Variants in MAP4K2 observed in about 807,000 individuals in gnomAD.
MAP4K2 encodes the protein B lymphocyte serine/threonine protein kinase.
A neutral mutation model predicts 125.3 loss-of-function variants in MAP4K2; 85 were observed. The observed-to-expected ratio is 0.68, with a 90% CI of 0.57 to 0.81. The LOEUF is 0.81. Ranked by LOEUF, MAP4K2 falls within the 40% of genes least tolerant of loss-of-function variation. MAP4K2 has a pLI of 0.00. For synonymous variants in MAP4K2, 479 were observed against 445.1 expected (o/e 1.08, Z -0.96); for missense variants, 923 against 1,056.4 (o/e 0.87, Z 1.75).
intron 6 of MAP4K2, 25 bp downstream of exon 6, chr11:64,801,685 G>T: frequency 6.2e-7 from 1 of 1,613,908 alleles, no homozygotes; most frequent in Non-Finnish European, 8.5e-7. Flanking sequence ...TCCCTCCCCA[G>T]GAGTGCCCCC....
chr11:64,786,544 G>A lies in MAP4K2; in HGVS notation c.*2993C>T, dbSNP rs1940202657. ...CTTTCACCAGGATGACTCCGGGTAT[G>A]GGCCAGTTACCTGAACATCCTGGGG... On this transcript the variant is annotated 3_prime_UTR_variant, in exon 32 of 32. Coordinates refer to ENST00000294066, the MANE Select transcript of MAP4K2 (RefSeq NM_004579.5). The A allele has an allele frequency of 6.6e-6, 1 of 152,188 alleles. No homozygotes were observed. Among genetic ancestry groups the A allele is most frequent in the Non-Finnish European group, 1.5e-5 (1 of 68,042 alleles). 9.4% of individuals were successfully genotyped at this position (152,188 alleles called of 1,614,324 possible).
In MAP4K2 at chr11:64,801,163, C is replaced by T. The variant is rs1237291851; in HGVS notation, c.478G>A (p.Glu160Lys). 6.2e-7 allele frequency: 1 copy of T among 1,613,178 alleles called. No homozygotes were observed. Among genetic ancestry groups the T allele is most frequent in the Non-Finnish European group, 8.5e-7 (1 of 1,179,922 alleles). Reference sequence around the variant, plus strand: ...CTCTTGGCCACAGACGCTGTCAGCTCGCCTGACACCCCAAAGTCAGCTGTG... The same window carrying T: ...CTCTTGGCCACAGACGCTGTCAGCTTGCCTGACACCCCAAAGTCAGCTGTG... ...VKLADFGVSG[E>K]LTASVAKRRS... Residue 160 changes from glutamate to lysine, a missense_variant, in exon 8 of 32, where the codon GAG becomes AAG. Transcript: ENST00000294066.
intron 15 of MAP4K2, 124 bp downstream of exon 15, chr11:64,798,670 G>A: frequency 2.1e-6 from 2 of 975,556 alleles, no homozygotes; most frequent in Non-Finnish European, 1.6e-6. Context: ...CCTGACCTCA[G>A]GTGATCCACC....
intron 17 of MAP4K2, 52 bp from the exon 18 acceptor site, chr11:64,797,432 C>T (rs1261864604): frequency 6.4e-7 from 1 of 1,557,476 alleles, no homozygotes; most frequent in Admixed American, 1.9e-5. Flanking sequence ...GCCCTGTAAC[C>T]ACATCCCACT....
At chr11:64,795,123 G>A (rs1940717242) in intron 24 of MAP4K2, among the ~76,000 whole-genome samples, 2 of 141,822 alleles carry the variant, frequency 1.4e-5, no homozygotes, top group African/African-American at 5.3e-5. Context: ...TCACTCTGTC[G>A]CCCTGGCTGG....
At chr11:64,796,031 T>C (rs1322149141) in intron 24 of MAP4K2, among the ~76,000 whole-genome samples, 2 of 152,158 alleles carry the variant, frequency 1.3e-5, no homozygotes, top group East Asian at 3.9e-4. Context: ...AAGCCCCACA[T>C]CCGAACAACC....
rs1940193201 is a variant in MAP4K2 at position 64,786,122 on chromosome 11, G to C, written c.*3415C>G. On this transcript the variant is annotated 3_prime_UTR_variant, in exon 32 of 32. Coordinates refer to ENST00000294066, the MANE Select transcript of MAP4K2 (RefSeq NM_004579.5). ...TTCCTTCCCATGATTTTTTAATAGGGTTGTATCTTGGGCATGTATTGCTAA... is the reference window on the plus strand; with the variant it reads ...TTCCTTCCCATGATTTTTTAATAGGCTTGTATCTTGGGCATGTATTGCTAA... 1 of 152,016 alleles carries C rather than the reference G, an allele frequency of 6.6e-6. No homozygotes were observed. The highest frequency in any genetic ancestry group is 2.4e-5 in the African/African-American group (1 of 41,382). 9.4% of individuals were successfully genotyped at this position (152,016 alleles called of 1,614,324 possible).
chr11:64,801,198 A>G lies in MAP4K2; in HGVS notation c.458-15T>C, dbSNP rs1428539132. 6.2e-7 allele frequency: 1 copy of G among 1,610,526 alleles called. No individual in the cohort carries two copies. The highest frequency in any genetic ancestry group is 1.1e-5 in the South Asian group (1 of 90,932). On this transcript the variant is annotated splice_polypyrimidine_tract_variant and intron_variant, in intron 7 of 31. Coordinates refer to ENST00000294066, the MANE Select transcript of MAP4K2 (RefSeq NM_004579.5). ...CCCAAAGTCAGCTGTGGGGAGAAACAGCCACTCTCACCAGCCCTCTGGCTG... is the reference window on the plus strand; with the variant it reads ...CCCAAAGTCAGCTGTGGGGAGAAACGGCCACTCTCACCAGCCCTCTGGCTG...
intron 24 of MAP4K2, 108 bp downstream of exon 24, chr11:64,796,165 A>C: frequency 9.8e-7 from 1 of 1,015,560 alleles, no homozygotes. Flanking sequence ...GGGCGCTCAG[A>C]GAGACAACAC....
rs772201205 is a variant in MAP4K2, at chr11:64,803,065, C to G, written c.85G>C (p.Asp29His). ...CCGTCCCGTCGCACCTTGTAGACGT[C>G]GCCATAGGTCCCGGCCCCCACGCGC... ...LQRVGAGTYGDVYKARDTVTS... is the reference protein window; with the variant it reads ...LQRVGAGTYGHVYKARDTVTS... The change falls in exon 1 of 32, where the codon GAC becomes CAC. Residue 29 changes from aspartate to histidine, a missense_variant. This residue lies in a region of MAP4K2 where 833 missense variants were observed against 911.4 expected (regional missense o/e 0.91). Transcript: ENST00000294066. 1.2e-5 allele frequency: 19 copies of G among 1,604,022 alleles called. No individual in the cohort carries two copies. Among genetic ancestry groups the G allele is most frequent in the Non-Finnish European group, 1.5e-5 (18 of 1,178,240 alleles).
chr11:64,796,366 T>C lies in MAP4K2; in HGVS notation c.1658A>G (p.His553Arg). ...LSGKSTHIWA[H>R]DLPGLFEQRR... Reference sequence around the variant, plus strand: ...CTGCTCAAACAGGCCTGGGAGGTCATGGGCCCAGATGTGCGTGGATTTCCC... The same window carrying C: ...CTGCTCAAACAGGCCTGGGAGGTCACGGGCCCAGATGTGCGTGGATTTCCC... Residue 553 changes from histidine to arginine, a missense_variant, in exon 24 of 32, where the codon CAT (histidine) becomes CGT (arginine). Coordinates refer to ENST00000294066, the MANE Select transcript of MAP4K2 (RefSeq NM_004579.5). 1 of 1,594,436 alleles carries C rather than the reference T, an allele frequency of 6.3e-7. No homozygotes were observed. The highest frequency in any genetic ancestry group is 8.6e-7 in the Non-Finnish European group (1 of 1,169,074).
chr11:64,791,059 C>A (rs559295138), intron 27 of MAP4K2, among the ~76,000 whole-genome samples: 80 of 152,310 alleles, frequency 5.3e-4, no homozygotes, highest in African/African-American at 1.8e-3. Context: ...TAGCTTGAAC[C>A]CACGAGGCAG....
chr11:64,798,574 A>G (rs1940969172), intron 15 of MAP4K2, among the ~76,000 whole-genome samples: 1 of 152,134 alleles, frequency 6.6e-6, no homozygotes, highest in African/African-American at 2.4e-5. Flanking sequence ...TGCTGGGATT[A>G]CAGGCATGAG....
In MAP4K2 at chr11:64,797,284, T is replaced by G; in HGVS notation, c.1267A>C (p.Ser423Arg). The change falls in exon 18 of 32, where the codon AGT (serine) becomes CGT (arginine). Residue 423 changes from serine (S) to arginine (R), a missense_variant. Ser to Arg is a moderately radical substitution (Grantham distance 110). Coordinates refer to ENST00000294066, the MANE Select transcript of MAP4K2 (RefSeq NM_004579.5). ...TDPPAEEPLS[S>R]PPGTLPPPPS... ...CAAGCCTGAGACTCACCTGGGGGAC[T>G]GGACAGAGGCTCCTCTGCTGGAGGG... The G allele has an allele frequency of 1.2e-6, 2 of 1,601,188 alleles. 1 individual carries two copies. The highest frequency in any genetic ancestry group is 3.3e-4 in the Middle Eastern group (2 of 6,042).
At chr11:64,792,331 G>GCCCCGCCCCA in intron 25 of MAP4K2, 33 bp downstream of exon 25, 1 of 1,535,444 alleles carries the variant, frequency 6.5e-7, no homozygotes, top group Non-Finnish European at 8.9e-7. Context: ...CCCCCACCAG[G>GCCCCGCCCCA]CCCCGCCCCA....
chr11:64,797,955 T>C (rs1255266048), intron 15 of MAP4K2, among the ~76,000 whole-genome samples: 3 of 151,094 alleles, frequency 2.0e-5, no homozygotes, highest in Non-Finnish European at 4.4e-5. Context: ...TCCGCCCACC[T>C]CGGCCTCCCA....
intron 4 of MAP4K2, 66 bp from the exon 5 acceptor site, chr11:64,802,187 T>C: frequency 3.4e-6 from 5 of 1,453,500 alleles, no homozygotes; most frequent in South Asian, 1.2e-5. Flanking sequence ...CAGGCTACCG[T>C]GTGTGGGAAA....
chr11:64,803,033 C>G (rs1253393546), intron 1 of MAP4K2, 21 bp downstream of exon 1: 1 of 1,598,696 alleles, frequency 6.3e-7, no homozygotes, highest in South Asian at 1.1e-5. Context: ...CCTCCCGGCT[C>G]TCCCGCCCGT....
In MAP4K2 at chr11:64,795,148, A is replaced by G. The variant is rs1253605171; in HGVS notation, c.1751+1125T>C. Among the ~76,000 whole-genome samples the G allele has an allele frequency of 4.0e-5, 6 of 149,826 alleles. No individual in the cohort carries two copies. In the East Asian group the frequency reaches 5.9e-4, roughly 15 times the overall value. ...GCCCTGGCTGGAGTGCAGTGGTGCA[A>G]TCTCCACTCACTGCAACCTCTGCCT... On this transcript the variant is annotated intron_variant, in intron 24 of 31. Transcript: ENST00000294066.
Sources: gnomAD v4.1 joint callset for allele counts (sites outside exome capture counted in the v4.1 genomes callset) on GRCh38, gnomAD v4.1.1 for gene constraint, gnomAD v4.1.1 regional missense constraint, MANE v1.5 for transcripts, NCBI Gene and HGNC (gene_info 2026-07-23, HGNC 2026-07-21) for gene names.